The following AGAP1 variants were observed in gnomAD, a reference collection of about 807,000 sequenced individuals.
The protein encoded by AGAP1 is arf-GAP with GTPase, ANK repeat and PH domain-containing protein 1.
In AGAP1, 29 loss-of-function variants were observed where a neutral mutation model predicts 105.3. The observed-to-expected ratio is 0.28, with a 90% CI of 0.21 to 0.38. The LOEUF (loss-of-function observed/expected upper bound fraction) is 0.38, where lower values mean the gene tolerates loss of function less well. Ranked by LOEUF, AGAP1 falls within the 10% of genes least tolerant of loss-of-function variation. AGAP1 has a pLI of 1.00. For missense variants in AGAP1, 998 were observed against 1,165.1 expected (o/e 0.86, Z 2.09); for synonymous variants, 509 against 485.9 (o/e 1.05, Z -0.63).
At chr2:235,726,118 G>C (rs1331826210) in intron 3 of AGAP1, among the ~76,000 whole-genome samples, 1 of 152,086 alleles carries the variant, frequency 6.6e-6, no homozygotes, top group Non-Finnish European at 1.5e-5. Context: ...AGCCATACTG[G>C]GCCTGCATTG....
rs996669954 is a variant in AGAP1, at chr2:235,621,137, T to C, written c.164-88042T>C. 6.6e-6 allele frequency among the ~76,000 whole-genome samples: 1 copy of C among 152,304 alleles called. No individual in the cohort carries two copies. The highest frequency in any genetic ancestry group is 2.4e-5 in the African/African-American group (1 of 41,578). On this transcript the variant is annotated intron_variant, in intron 1 of 17. Coordinates refer to ENST00000304032, the MANE Select transcript of AGAP1 (RefSeq NM_001037131.3). This position sits in a 1 kb window ranked among gnomAD's most constrained non-coding sequence, Gnocchi z 4.1. Reference sequence around the variant, plus strand: ...CCTAGGTTCAAGCAATTCTCCTGCCTTGGCCTCCGGAGGAGCTGAGACTAC... The same window carrying C: ...CCTAGGTTCAAGCAATTCTCCTGCCCTGGCCTCCGGAGGAGCTGAGACTAC...
chr2:235,636,130 A>AATAAATAC (rs1244818309), intron 1 of AGAP1, among the ~76,000 whole-genome samples: 1 of 150,636 alleles, frequency 6.6e-6, no homozygotes, highest in Non-Finnish European at 1.5e-5. Flanking sequence ...TAAATAAATA[A>AATAAATAC]ATAAATAAAT....
chr2:235,602,734 CTG>C (rs1945772969), intron 1 of AGAP1, among the ~76,000 whole-genome samples: 1 of 152,086 alleles, frequency 6.6e-6, no homozygotes, highest in East Asian at 1.9e-4. Flanking sequence ...AGGAATCTCG[CTG>C]TGTCACCCAG....
In AGAP1 at chr2:235,931,306, C is replaced by T. The variant is rs959963429; in HGVS notation, c.1483+383C>T. On this transcript the variant is annotated intron_variant, in intron 12 of 17. Coordinates refer to ENST00000304032, the MANE Select transcript of AGAP1 (RefSeq NM_001037131.3). This position sits in a 1 kb window ranked among gnomAD's most constrained non-coding sequence, Gnocchi z 5.6. ...CCTACGTGGCGTGGCCCACACTCTT[C>T]CACCACTAGTGCACATTTTATATCA... Among the ~76,000 whole-genome samples, 1 of 152,186 alleles carries T rather than the reference C, an allele frequency of 6.6e-6. No homozygotes were observed. Among genetic ancestry groups the T allele is most frequent in the Non-Finnish European group, 1.5e-5 (1 of 68,044 alleles).
intron 16 of AGAP1, among the ~76,000 whole-genome samples, chr2:236,115,467 G>A (rs2059748516): frequency 6.6e-6 from 1 of 152,206 alleles, no homozygotes; most frequent in Non-Finnish European, 1.5e-5. Flanking sequence ...AGTGTTGGTG[G>A]GGAGATTGGC....
At chr2:235,644,647 G>T (rs1290455437) in intron 1 of AGAP1, among the ~76,000 whole-genome samples, 1 of 152,140 alleles carries the variant, frequency 6.6e-6, no homozygotes, top group Non-Finnish European at 1.5e-5. Flanking sequence ...GCCACCAGGG[G>T]ATCTTGGCAA....
intron 1 of AGAP1, among the ~76,000 whole-genome samples, chr2:235,501,184 G>A (rs112325089): frequency 1.3e-5 from 2 of 152,328 alleles, no homozygotes; most frequent in African/African-American, 4.8e-5. Flanking sequence ...GCATCTGTCA[G>A]TGGGCTGCGT....
intron 13 of AGAP1, among the ~76,000 whole-genome samples, chr2:236,004,169 C>G (rs1032368300): frequency 6.6e-6 from 1 of 152,286 alleles, no homozygotes; most frequent in Admixed American, 6.5e-5. Context: ...CATTTTGTCT[C>G]CTGACTGTGG....
chr2:235,511,034 C>A (rs577124600), intron 1 of AGAP1, among the ~76,000 whole-genome samples: 123 of 152,178 alleles, frequency 8.1e-4, no homozygotes, highest in Admixed American at 2.2e-3. Flanking sequence ...GCATTGTAGC[C>A]CCCAAGAGGA....
In AGAP1 at chr2:235,690,544, A is replaced by G. The variant is rs1040369828; in HGVS notation, c.164-18635A>G. Among the ~76,000 whole-genome samples, 24 of 152,314 alleles carry G rather than the reference A, an allele frequency of 1.6e-4. No individual in the cohort carries two copies. The highest frequency in any genetic ancestry group is 5.5e-4 in the African/African-American group (23 of 41,568). On this transcript the variant is annotated intron_variant, in intron 1 of 17. Transcript: ENST00000304032. This position sits in a 1 kb window ranked among gnomAD's most constrained non-coding sequence, Gnocchi z 4.1. Reference sequence around the variant, plus strand: ...GTAGAGGAGGCTGGCCAACTCAGACACCTAAGCAGCCACATCAGACCCAGA... The same window carrying G: ...GTAGAGGAGGCTGGCCAACTCAGACGCCTAAGCAGCCACATCAGACCCAGA...
chr2:235,677,965 C>T (rs1236588805), intron 1 of AGAP1, among the ~76,000 whole-genome samples: 1 of 98,564 alleles, frequency 1.0e-5, no homozygotes, highest in African/African-American at 3.6e-5. Flanking sequence ...AAAGCAAAAC[C>T]AGTTATTCTG....
At chr2:236,063,960 A>C (rs2058276318) in intron 16 of AGAP1, among the ~76,000 whole-genome samples, 1 of 152,224 alleles carries the variant, frequency 6.6e-6, no homozygotes, top group Non-Finnish European at 1.5e-5. Flanking sequence ...GATCTAATAC[A>C]AATGACCCTG....
intron 1 of AGAP1, among the ~76,000 whole-genome samples, chr2:235,515,208 A>G (rs749105014): frequency 6.6e-6 from 1 of 152,114 alleles, no homozygotes; most frequent in African/African-American, 2.4e-5. Flanking sequence ...TCAAGCAGAC[A>G]TGGATTTTAT....
intron 1 of AGAP1, among the ~76,000 whole-genome samples, chr2:235,706,804 C>T (rs1019508802): frequency 2.6e-5 from 4 of 152,214 alleles, no homozygotes; most frequent in African/African-American, 9.6e-5. Context: ...TTGGAGTCAT[C>T]ATCATTGACC....
intron 16 of AGAP1, among the ~76,000 whole-genome samples, chr2:236,071,155 AT>A (rs1485113397): frequency 6.6e-6 from 1 of 152,244 alleles, no homozygotes; most frequent in Non-Finnish European, 1.5e-5. Flanking sequence ...GCGCTGGTTC[AT>A]TTCTTTGACA....
At position 236,027,401 on chromosome 2, in the gene AGAP1, C is replaced by G. The variant is rs1377198219; in HGVS notation, c.1646-9160C>G. On this transcript the variant is annotated intron_variant, in intron 13 of 17. Coordinates refer to ENST00000304032, the MANE Select transcript of AGAP1 (RefSeq NM_001037131.3). The surrounding 1 kb of genome is among the most constrained non-coding windows in gnomAD (Gnocchi z 4.4). ...CCTCAGGAAGCAAGGTCCAGCTGCT[C>G]GGACCCTTGTCGTAAATTTCAGGGC... 6.6e-6 allele frequency among the ~76,000 whole-genome samples: 1 copy of G among 152,056 alleles called. No individual in the cohort carries two copies. The highest frequency in any genetic ancestry group is 1.9e-4 in the East Asian group (1 of 5,174).
In AGAP1 at chr2:235,555,236, C is replaced by T. The variant is rs1203207867; in HGVS notation, c.163+60387C>T. 6.6e-6 allele frequency among the ~76,000 whole-genome samples: 1 copy of T among 152,160 alleles called. No homozygotes were observed. Among genetic ancestry groups the T allele is most frequent in the South Asian group, 2.1e-4 (1 of 4,824 alleles). On this transcript the variant is annotated intron_variant, in intron 1 of 17. Transcript: ENST00000304032. This position sits in a 1 kb window ranked among gnomAD's most constrained non-coding sequence, Gnocchi z 5.1. Reference sequence around the variant, plus strand: ...CTGCAGTGCCATCCTTCTTGCCGCTCCCACCCACTTCTGTGATGCACAGAA... The same window carrying T: ...CTGCAGTGCCATCCTTCTTGCCGCTTCCACCCACTTCTGTGATGCACAGAA...
chr2:236,069,626 G>A (rs2058445590), intron 16 of AGAP1, among the ~76,000 whole-genome samples: 1 of 151,464 alleles, frequency 6.6e-6, no homozygotes, highest in South Asian at 2.1e-4. Context: ...GTTTCACCAT[G>A]TTGGCCAGGC....
chr2:235,882,351 C>A lies in AGAP1; in HGVS notation c.1051-994C>A. ...CTTAAGGATGACGAGGGCAGGAAAT[C>A]CTCCGGGCTCTTAGGAAATTTCACT... On this transcript the variant is annotated intron_variant, in intron 9 of 17. Coordinates refer to ENST00000304032, the MANE Select transcript of AGAP1 (RefSeq NM_001037131.3). This position sits in a 1 kb window ranked among gnomAD's most constrained non-coding sequence, Gnocchi z 4.6. The A allele has an allele frequency of 1.5e-6, 2 of 1,297,162 alleles. No individual in the cohort carries two copies. Among genetic ancestry groups the A allele is most frequent in the South Asian group, 2.5e-5 (2 of 79,870 alleles). The allele number at this position is 1,297,162 out of a possible 1,614,324, so 80.4% of individuals were successfully genotyped here. A position where few individuals can be genotyped will look rare whatever the true frequency, so the allele number is the denominator to read the frequency against.
Sources: allele counts gnomAD v4.1 joint callset (sites outside exome capture counted in the v4.1 genomes callset), GRCh38; gene constraint gnomAD v4.1.1; non-coding constraint Gnocchi (gnomAD v3.1); transcripts MANE v1.5; gene names NCBI Gene and HGNC (gene_info 2026-07-23, HGNC 2026-07-21).